Variants in ATP11B observed in about 807,000 individuals in gnomAD.
The protein encoded by ATP11B is ATPase phospholipid transporting 11B (putative).
Under a neutral mutation model 157.8 loss-of-function variants are expected in ATP11B, and 81 were observed. The ratio of observed to expected loss-of-function variants is 0.51; its 90% CI spans 0.43 to 0.62. ATP11B has a LOEUF of 0.62. Among genes scored for constraint, ATP11B ranks in the 20% least tolerant of loss-of-function variants. The pLI, the probability that ATP11B is intolerant of heterozygous loss-of-function variation, is 0.00. For synonymous variants in ATP11B, 451 were observed against 469.4 expected, an observed-to-expected ratio of 0.96 and a Z score of 0.51; for missense variants, 1,165 against 1,402.2, an observed-to-expected ratio of 0.83 and a Z score of 2.70.
chr3:182,825,782 C>T (rs964016722), intron 2 of ATP11B, among the ~76,000 whole-genome samples: 12 of 151,374 alleles, frequency 7.9e-5, no homozygotes, highest in African/African-American at 2.2e-4. Flanking sequence ...TGCAAGTAGT[C>T]CCAGCTACTC....
At chr3:182,857,786 A>G (rs928984303) in intron 10 of ATP11B, 92 bp from the exon 11 acceptor site, 1 of 756,746 alleles carries the variant, frequency 1.3e-6, no homozygotes, top group African/African-American at 1.7e-5. Flanking sequence ...TCTATGTTTT[A>G]ATATCTTCTC....
At chr3:182,805,988 C>A (rs1716304781) in intron 1 of ATP11B, among the ~76,000 whole-genome samples, 1 of 152,112 alleles carries the variant, frequency 6.6e-6, no homozygotes, top group Non-Finnish European at 1.5e-5. Context: ...ATATCTTTTA[C>A]TCATTATTGT....
At chr3:182,830,684 A>G (rs922625864) in intron 4 of ATP11B, among the ~76,000 whole-genome samples, 4 of 152,182 alleles carry the variant, frequency 2.6e-5, no homozygotes, top group African/African-American at 9.6e-5. Context: ...AAAATTGACA[A>G]ACATTTTACA....
intron 24 of ATP11B, 87 bp from the exon 25 acceptor site, chr3:182,889,322 GT>G (rs1723014381): frequency 1.0e-6 from 1 of 960,146 alleles, no homozygotes; most frequent in South Asian, 1.9e-5. Context: ...AATCTATCTT[GT>G]TTTTTAATTA....
intron 28 of ATP11B, among the ~76,000 whole-genome samples, chr3:182,904,431 G>A (rs1724185687): frequency 1.3e-5 from 2 of 152,198 alleles, no homozygotes; most frequent in Admixed American, 1.3e-4. Flanking sequence ...TGCTGATGCA[G>A]CCTCTAAATT....
chr3:182,883,726 C>T lies in ATP11B; in HGVS notation c.2510-1027C>T, dbSNP rs867220884. On this transcript the variant is annotated intron_variant, in intron 21 of 29. Transcript: ENST00000323116. Reference sequence around the variant, plus strand: ...ATCCCAGCACTTTGGGAGGCCGAGGCGGGCGGATCACGAGGTCAGGAGATC... The same window carrying T: ...ATCCCAGCACTTTGGGAGGCCGAGGTGGGCGGATCACGAGGTCAGGAGATC... Among the ~76,000 whole-genome samples, 11 of 151,184 alleles carry T rather than the reference C, an allele frequency of 7.3e-5. No homozygotes were observed. In the East Asian group the frequency reaches 2.0e-3, roughly 27 times the overall value.
In ATP11B at chr3:182,891,723, C is replaced by T. The variant is rs79817178; in HGVS notation, c.2982+2175C>T. ...TAGTATAAAAGCTTTTTTCTCTTTA[C>T]TGTCTATTGAAATTAATCTGCCACT... On this transcript the variant is annotated intron_variant, in intron 25 of 29. Coordinates refer to ENST00000323116, the MANE Select transcript of ATP11B (RefSeq NM_014616.3). Among the ~76,000 whole-genome samples, 1,124 of 152,162 alleles carry T rather than the reference C, an allele frequency of 7.4e-3. 7 individuals carry two copies. Among genetic ancestry groups the T allele is most frequent in the Non-Finnish European group, 0.013 (851 of 67,984 alleles).
chr3:182,876,531 G>A (rs1322542110), intron 19 of ATP11B, among the ~76,000 whole-genome samples: 1 of 152,152 alleles, frequency 6.6e-6, no homozygotes, highest in Non-Finnish European at 1.5e-5. Context: ...AATTTATAAA[G>A]AACAGAAATT....
At chr3:182,810,006 T>C (rs1716553884) in intron 1 of ATP11B, among the ~76,000 whole-genome samples, 1 of 152,186 alleles carries the variant, frequency 6.6e-6, no homozygotes, top group East Asian at 1.9e-4. Context: ...AATGAGCTGC[T>C]TTTTGAAATA....
chr3:182,857,474 GGTA>G (rs1720491753), intron 10 of ATP11B, among the ~76,000 whole-genome samples: 1 of 151,922 alleles, frequency 6.6e-6, no homozygotes, highest in African/African-American at 2.4e-5. Flanking sequence ...GATTAGGTAA[GGTA>G]GTAGATGTGA....
At chr3:182,890,488 GA>G (rs1450248647) in intron 25 of ATP11B, among the ~76,000 whole-genome samples, 1 of 152,118 alleles carries the variant, frequency 6.6e-6, no homozygotes, top group Non-Finnish European at 1.5e-5. Context: ...AAAGGATACA[GA>G]AAATGAGCAA....
In ATP11B at chr3:182,820,243, T is replaced by C. The variant is rs746234826; in HGVS notation, c.28-17T>C. The stretch of plus-strand genomic sequence containing the variant: ...GGTTGACTAGTATTTCTTTTTCTCT[T>C]GCTTGATTGGTCTTAGGGTTTTGAC... On this transcript the variant is annotated splice_polypyrimidine_tract_variant and intron_variant, in intron 1 of 29. Coordinates refer to ENST00000323116, the MANE Select transcript of ATP11B (RefSeq NM_014616.3). 63 of 1,536,924 alleles carry C rather than the reference T, an allele frequency of 4.1e-5. No homozygotes were observed. The East Asian group carries it at 1.4e-3, about 34-fold the overall frequency.
rs140478889 is a variant in ATP11B at position 182,883,156 on chromosome 3, C to G, written c.2510-1597C>G. 3.2e-4 allele frequency among the ~76,000 whole-genome samples: 48 copies of G among 151,876 alleles called. No homozygotes were observed. In the East Asian group the frequency reaches 6.4e-3, roughly 20 times the overall value. ...GCAATTATGAATGCAGGAATTTCTT[C>G]TAGTAAAAAAAATTGAGCATGTTGA... On this transcript the variant is annotated intron_variant, in intron 21 of 29. Coordinates refer to ENST00000323116, the MANE Select transcript of ATP11B (RefSeq NM_014616.3).
chr3:182,822,215 C>T (rs1435155951), intron 2 of ATP11B, among the ~76,000 whole-genome samples: 1 of 151,882 alleles, frequency 6.6e-6, no homozygotes, highest in African/African-American at 2.4e-5. Flanking sequence ...GTGTGCTTCA[C>T]CCATTAACTC....
chr3:182,851,635 T>G (rs1175179098), intron 10 of ATP11B, among the ~76,000 whole-genome samples: 1 of 152,174 alleles, frequency 6.6e-6, no homozygotes, highest in African/African-American at 2.4e-5. Flanking sequence ...CCTCTAGAGC[T>G]TCCATTAAAA....
At position 182,897,285 on chromosome 3, in the gene ATP11B, A is replaced by G; in HGVS notation, c.3049-18A>G. The G allele has an allele frequency of 6.8e-7, 1 of 1,461,490 alleles. No homozygotes were observed. The highest frequency in any genetic ancestry group is 1.3e-5 in the South Asian group (1 of 76,934). The allele number at this position is 1,461,490 out of a possible 1,614,324, so 90.5% of individuals were successfully genotyped here. ...TTTATTTGTTTATATTTCTAAGGAT[A>G]TAAAAACTTTTTTTTAGATGGCTCT... On this transcript the variant is annotated intron_variant, in intron 26 of 29. Coordinates refer to ENST00000323116, the MANE Select transcript of ATP11B (RefSeq NM_014616.3).
intron 10 of ATP11B, among the ~76,000 whole-genome samples, chr3:182,851,375 A>T (rs1362714574): frequency 6.6e-6 from 1 of 152,096 alleles, no homozygotes; most frequent in Non-Finnish European, 1.5e-5. Flanking sequence ...TCTCTTTTCC[A>T]TTGCCTTCAG....
At chr3:182,862,841 G>A (rs2108538371) in intron 12 of ATP11B, among the ~76,000 whole-genome samples, 1 of 151,052 alleles carries the variant, frequency 6.6e-6, no homozygotes, top group East Asian at 1.9e-4. Context: ...TCCTCATGGT[G>A]AAGTTTTAAG....
chr3:182,870,712 A>G (rs552003), intron 17 of ATP11B, among the ~76,000 whole-genome samples: 108,918 of 151,946 alleles, frequency 0.72, 39,509 homozygotes, highest in Non-Finnish European at 0.78. Context: ...GGTGGCTCAC[A>G]CCTGTAATCC....
Sources: allele counts gnomAD v4.1 joint callset (sites outside exome capture counted in the v4.1 genomes callset), GRCh38; gene constraint gnomAD v4.1.1; transcripts MANE v1.5; gene names NCBI Gene and HGNC (gene_info 2026-07-23, HGNC 2026-07-21).